SIPA1L1: variants seen among roughly 807,000 people sequenced by gnomAD.
SIPA1L1 encodes signal-induced proliferation-associated 1-like protein 1.
A neutral mutation model predicts 162.7 loss-of-function variants in SIPA1L1; 26 were observed. The ratio of observed to expected loss-of-function variants is 0.16; its 90% CI spans 0.12 to 0.22. The LOEUF is 0.22. SIPA1L1 is among the 10% of genes least tolerant of loss of function. The probability of loss-of-function intolerance (pLI) is 1.00; values close to 1 mark genes in which losing one functional copy is unlikely to be tolerated. For synonymous variants in SIPA1L1, 829 were observed against 837.4 expected (o/e 0.99, Z 0.17); for missense variants, 1,874 against 2,241.0 (o/e 0.84, Z 3.31).
intron 2 of SIPA1L1, among the ~76,000 whole-genome samples, chr14:71,344,025 G>T (rs183110059): frequency 6.6e-6 from 1 of 152,222 alleles, no homozygotes; most frequent in Non-Finnish European, 1.5e-5. Context: ...TTAAGGTTTG[G>T]AGAATTTATA....
At chr14:71,492,197 TA>T (rs1317555205) in intron 2 of SIPA1L1, among the ~76,000 whole-genome samples, 1 of 152,168 alleles carries the variant, frequency 6.6e-6, no homozygotes, top group African/African-American at 2.4e-5. Context: ...ATGGCACAGT[TA>T]CAGCAAGGAT....
intron 2 of SIPA1L1, among the ~76,000 whole-genome samples, chr14:71,394,020 C>T (rs1208770106): frequency 1.3e-5 from 2 of 152,192 alleles, no homozygotes; most frequent in African/African-American, 4.8e-5. Context: ...ATAAGCAAAT[C>T]CTGTTCCTAG....
intron 2 of SIPA1L1, among the ~76,000 whole-genome samples, chr14:71,362,723 T>G (rs944629720): frequency 2.0e-5 from 3 of 152,208 alleles, no homozygotes; most frequent in Non-Finnish European, 4.4e-5. Flanking sequence ...AATTTCCAAT[T>G]AAAATATCCT....
chr14:71,489,931 A>G (rs551740049), intron 2 of SIPA1L1, among the ~76,000 whole-genome samples: 2 of 152,282 alleles, frequency 1.3e-5, no homozygotes, highest in East Asian at 1.9e-4. Context: ...GCAACTTAAC[A>G]TTATTCATTT....
At chr14:71,357,212 C>T (rs1164115376) in intron 2 of SIPA1L1, among the ~76,000 whole-genome samples, 3 of 151,926 alleles carry the variant, frequency 2.0e-5, no homozygotes, top group East Asian at 1.9e-4. Flanking sequence ...TGTCACCGTG[C>T]TTGGCTAATG....
chr14:71,510,119 C>T (rs1376516996), intron 2 of SIPA1L1, among the ~76,000 whole-genome samples: 1 of 148,980 alleles, frequency 6.7e-6, no homozygotes, highest in Non-Finnish European at 1.5e-5. Flanking sequence ...AATCTTTTCT[C>T]TTTATACAGC....
intron 8 of SIPA1L1, 39 bp from the exon 9 acceptor site, chr14:71,658,294 G>A (rs748545736): frequency 3.2e-6 from 3 of 945,000 alleles, no homozygotes; most frequent in African/African-American, 3.3e-5. Context: ...TATTTTTCCT[G>A]TTATAGTCAT....
intron 4 of SIPA1L1, among the ~76,000 whole-genome samples, chr14:71,555,925 A>G (rs1007127898): frequency 2.6e-5 from 4 of 152,234 alleles, no homozygotes; most frequent in African/African-American, 9.6e-5. Flanking sequence ...CCAAAAGATT[A>G]GTAGTAACAT....
chr14:71,503,895 C>G (rs2050444372), intron 2 of SIPA1L1: 1 of 152,048 alleles, frequency 6.6e-6, no homozygotes, highest in African/African-American at 2.4e-5. Context: ...CCTCTGCCTC[C>G]TGGGTTCAAG....
At chr14:71,436,538 C>T (rs1391827293) in intron 2 of SIPA1L1, among the ~76,000 whole-genome samples, 1 of 152,082 alleles carries the variant, frequency 6.6e-6, no homozygotes, top group Non-Finnish European at 1.5e-5. Flanking sequence ...CACATTTTAT[C>T]TTATCAAATT....
At chr14:71,374,694 G>GTTTTT (rs35302982) in intron 2 of SIPA1L1, among the ~76,000 whole-genome samples, 1 of 139,200 alleles carries the variant, frequency 7.2e-6, no homozygotes, top group Non-Finnish European at 1.5e-5. Context: ...CGTTTTGAAA[G>GTTTTT]TTTTTTTTTT....
chr14:71,621,251 C>A (rs1320950354), intron 6 of SIPA1L1, among the ~76,000 whole-genome samples: 1 of 152,232 alleles, frequency 6.6e-6, no homozygotes, highest in Non-Finnish European at 1.5e-5. Flanking sequence ...CCAGATCTTG[C>A]CATTGCTCAG....
At chr14:71,528,204 T>A (rs1334299493) in intron 3 of SIPA1L1, among the ~76,000 whole-genome samples, 1 of 152,214 alleles carries the variant, frequency 6.6e-6, no homozygotes, top group Non-Finnish European at 1.5e-5. Context: ...AATCATATTT[T>A]TGCATTTTTT....
At chr14:71,509,129 G>T (rs1292704015) in intron 2 of SIPA1L1, among the ~76,000 whole-genome samples, 1 of 152,134 alleles carries the variant, frequency 6.6e-6, no homozygotes, top group African/African-American at 2.4e-5. Flanking sequence ...AGTTCTCTTG[G>T]CCCTATGGGG....
chr14:71,551,960 C>T (rs2055879593), intron 4 of SIPA1L1, among the ~76,000 whole-genome samples: 1 of 152,162 alleles, frequency 6.6e-6, no homozygotes, highest in South Asian at 2.1e-4. Flanking sequence ...GCCAGCCAGC[C>T]ACTCTTGATC....
chr14:71,425,431 T>G (rs75409189), intron 2 of SIPA1L1, among the ~76,000 whole-genome samples: 1,925 of 152,280 alleles, frequency 0.013, 24 homozygotes, highest in Middle Eastern at 0.02. Context: ...GTTCAAGTCT[T>G]AAGTATTTTC....
intron 10 of SIPA1L1, among the ~76,000 whole-genome samples, chr14:71,666,232 A>G (rs981575030): frequency 6.6e-6 from 1 of 152,232 alleles, no homozygotes; most frequent in African/African-American, 2.4e-5. Context: ...AAGCCAATTT[A>G]TAGGAAATAC....
intron 2 of SIPA1L1, among the ~76,000 whole-genome samples, chr14:71,373,581 C>G (rs1458347027): frequency 1.3e-5 from 2 of 149,818 alleles, no homozygotes; most frequent in African/African-American, 2.5e-5. Flanking sequence ...CGCTTGAACC[C>G]GGGAGGCAGA....
chr14:71,608,156 CA>C (rs1863825841), intron 5 of SIPA1L1, among the ~76,000 whole-genome samples: 1 of 152,184 alleles, frequency 6.6e-6, no homozygotes, highest in Admixed American at 6.5e-5. Context: ...GCATTCAAGT[CA>C]AGTCTGAGAG....
Sources: gnomAD v4.1 joint callset for allele counts (sites outside exome capture counted in the v4.1 genomes callset) on GRCh38, gnomAD v4.1.1 for gene constraint, MANE v1.5 for transcripts, NCBI Gene and HGNC (gene_info 2026-07-23, HGNC 2026-07-21) for gene names.